The following ATP1B3 variants were observed in gnomAD, a reference collection of about 807,000 sequenced individuals.
The protein encoded by ATP1B3 is sodium/potassium-transporting ATPase subunit beta-3.
ATP1B3 carries 10 observed loss-of-function variants against 30.2 expected under a neutral mutation model. The observed-to-expected ratio is 0.33, with a 90% CI of 0.20 to 0.56. ATP1B3 has a LOEUF of 0.56. Ranked by LOEUF, ATP1B3 falls within the 20% of genes least tolerant of loss-of-function variation. ATP1B3 has a pLI of 0.90. For missense variants in ATP1B3, 238 were observed against 336.7 expected, an observed-to-expected ratio of 0.71 and a Z score of 2.29; for synonymous variants, 113 against 117.0, an observed-to-expected ratio of 0.97 and a Z score of 0.22.
chr3:141,906,218 C>T (rs1348600487), intron 2 of ATP1B3, among the ~76,000 whole-genome samples: 15 of 150,334 alleles, frequency 1.0e-4, no homozygotes, highest in African/African-American at 3.4e-4. Context: ...CTCGCTCTGT[C>T]GCCCAGGCTG....
chr3:141,896,575 A>G (rs952136240), intron 1 of ATP1B3, among the ~76,000 whole-genome samples: 1 of 152,114 alleles, frequency 6.6e-6, no homozygotes, highest in Admixed American at 6.5e-5. Context: ...CATATATTCT[A>G]GATAGGAGTG....
At chr3:141,907,353 C>T (rs1934282133) in intron 3 of ATP1B3, 79 bp downstream of exon 3, 2 of 919,062 alleles carry the variant, frequency 2.2e-6, no homozygotes, top group Non-Finnish European at 3.2e-6. Context: ...GGCACGGTAG[C>T]TCACGCCTGT....
At chr3:141,891,194 T>C (rs1460950412) in intron 1 of ATP1B3, among the ~76,000 whole-genome samples, 2 of 152,220 alleles carry the variant, frequency 1.3e-5, no homozygotes, top group Non-Finnish European at 2.9e-5. Flanking sequence ...TTGATCTGTA[T>C]CTTGATTCCT....
intron 3 of ATP1B3, among the ~76,000 whole-genome samples, chr3:141,912,954 T>C (rs2107776585): frequency 6.6e-6 from 1 of 152,372 alleles, no homozygotes; most frequent in South Asian, 2.1e-4. Flanking sequence ...TTTTCCCTTC[T>C]GGACTGACTC....
chr3:141,916,499 A>G lies in ATP1B3; in HGVS notation c.582+479A>G, dbSNP rs1274215861. 5.0e-6 allele frequency: 6 copies of G among 1,201,596 alleles called. No homozygotes were observed. In the African/African-American group the frequency reaches 7.8e-5, roughly 16 times the overall value. 74.4% of individuals were successfully genotyped at this position (1,201,596 alleles called of 1,614,324 possible). A position where few individuals can be genotyped will look rare whatever the true frequency, so the allele number is the denominator to read the frequency against. On this transcript the variant is annotated intron_variant, in intron 5 of 6. Coordinates refer to ENST00000286371, the MANE Select transcript of ATP1B3 (RefSeq NM_001679.4). ...TACTTTTTTTTCCAGAATACTGTGC[A>G]GTTTTCATCTCATAACTTTCTTTTG...
chr3:141,889,766 C>T (rs551076621), intron 1 of ATP1B3, among the ~76,000 whole-genome samples: 26,454 of 113,042 alleles, frequency 0.23, 4,996 homozygotes, highest in African/African-American at 0.4. Flanking sequence ...TACACACACA[C>T]ACACACACAC....
At position 141,890,086 on chromosome 3, in the gene ATP1B3, C is replaced by CT. The variant is rs1245235657; in HGVS notation, c.109+13198dup. On this transcript the variant is annotated intron_variant, in intron 1 of 6. Coordinates refer to ENST00000286371, the MANE Select transcript of ATP1B3 (RefSeq NM_001679.4). ...AAATGCCTGTAATCTAATTTTTTTT[C>CT]TTTTTTTTTTTTTTTTTTTTTTGAG... 1.0e-2 allele frequency among the ~76,000 whole-genome samples: 1,070 copies of CT among 107,376 alleles called. 29 individuals carry two copies. Among genetic ancestry groups the CT allele is most frequent in the African/African-American group, 0.02 (522 of 26,648 alleles). The allele number at this position is 107,376 out of a possible 152,430, so 70.4% of individuals were successfully genotyped here.
chr3:141,888,356 T>C (rs1361271051), intron 1 of ATP1B3, among the ~76,000 whole-genome samples: 1 of 152,218 alleles, frequency 6.6e-6, no homozygotes, highest in Non-Finnish European at 1.5e-5. Context: ...CATTTTTATA[T>C]ATGTATATAA....
chr3:141,893,156 G>A (rs137978052), intron 1 of ATP1B3, among the ~76,000 whole-genome samples: 5 of 151,938 alleles, frequency 3.3e-5, no homozygotes, highest in Non-Finnish European at 5.9e-5. Context: ...TTACAGGCAC[G>A]CACCACCACA....
chr3:141,899,445 T>C lies in ATP1B3; in HGVS notation c.110-4175T>C, dbSNP rs1374037792. 2.6e-5 allele frequency among the ~76,000 whole-genome samples: 4 copies of C among 152,302 alleles called. No homozygotes were observed. In the South Asian group the frequency reaches 6.2e-4, roughly 24 times the overall value. ...TAGCATCTAGGTCCCTGAAGATAGC[T>C]AGAAAGTGTGCAGAGGTTGAGAGTA... is the stretch of plus-strand genomic sequence containing the variant. On this transcript the variant is annotated intron_variant, in intron 1 of 6. Coordinates refer to ENST00000286371, the MANE Select transcript of ATP1B3 (RefSeq NM_001679.4).
At chr3:141,921,856 A>G (rs1934568668) in intron 5 of ATP1B3, 121 bp from the exon 6 acceptor site, 1 of 547,504 alleles carries the variant, frequency 1.8e-6, no homozygotes, top group African/African-American at 2.0e-5. Flanking sequence ...ATGATAATAT[A>G]GTTGGAGCAG....
At chr3:141,895,192 T>C (rs555213694) in intron 1 of ATP1B3, among the ~76,000 whole-genome samples, 93 of 150,364 alleles carry the variant, frequency 6.2e-4, no homozygotes, top group South Asian at 2.7e-3. Flanking sequence ...TCTTTTCTTT[T>C]TTTTTTTTTT....
chr3:141,925,885 T>C lies in ATP1B3; in HGVS notation c.*184T>C. 1.5e-6 allele frequency: 1 copy of C among 682,652 alleles called. No individual in the cohort carries two copies. Among genetic ancestry groups the C allele is most frequent in the Non-Finnish European group, 2.3e-6 (1 of 428,876 alleles). The allele number at this position is 682,652 out of a possible 1,614,324, so 42.3% of individuals were successfully genotyped here. On this transcript the variant is annotated 3_prime_UTR_variant, in exon 7 of 7. Transcript: ENST00000286371. ...AGTGTCCTCTGAAGTAACTGCCTGT[T>C]GCCTCTGCTGCCCTTTGAACCAGTG...
At chr3:141,904,703 CTTTTTT>C (rs35178202) in intron 2 of ATP1B3, among the ~76,000 whole-genome samples, 1 of 89,374 alleles carries the variant, frequency 1.1e-5, no homozygotes, top group African/African-American at 4.5e-5. Context: ...TTTAAACAGT[CTTTTTT>C]TTTTTTTTTT....
chr3:141,918,092 A>G (rs1279747549), intron 5 of ATP1B3, among the ~76,000 whole-genome samples: 1 of 151,984 alleles, frequency 6.6e-6, no homozygotes, highest in East Asian at 1.9e-4. Flanking sequence ...AAATTCTTCT[A>G]AAAATCTAGT....
intron 1 of ATP1B3, among the ~76,000 whole-genome samples, chr3:141,898,571 A>C (rs1439730535): frequency 6.6e-6 from 1 of 152,248 alleles, no homozygotes; most frequent in Non-Finnish European, 1.5e-5. Context: ...TGTATCCACT[A>C]GGATAGCTGT....
chr3:141,922,115 CA>C (rs1934573935), intron 6 of ATP1B3, 52 bp downstream of exon 6: 2 of 1,130,974 alleles, frequency 1.8e-6, no homozygotes, highest in Non-Finnish European at 2.6e-6. Flanking sequence ...GAAGCTGGAG[CA>C]TGTGTTGACG....
In ATP1B3 at chr3:141,902,690, C is replaced by T. The variant is rs1412618266; in HGVS notation, c.110-930C>T. On this transcript the variant is annotated intron_variant, in intron 1 of 6. Transcript: ENST00000286371. ...AGAGATTAAGCCCTTAATGTTGAAACGTGTGTCTCCCAAATCTTGCTTTGT... is the reference window on the plus strand; with the variant it reads ...AGAGATTAAGCCCTTAATGTTGAAATGTGTGTCTCCCAAATCTTGCTTTGT... Among the ~76,000 whole-genome samples, 3 of 152,156 alleles carry T rather than the reference C, an allele frequency of 2.0e-5. No homozygotes were observed. The South Asian group carries it at 6.2e-4, about 31-fold the overall frequency.
chr3:141,901,695 T>C (rs1415832881), intron 1 of ATP1B3, among the ~76,000 whole-genome samples: 1 of 121,550 alleles, frequency 8.2e-6, no homozygotes, highest in Non-Finnish European at 2.0e-5. Context: ...TGCTATATAT[T>C]TATTTGCTTT....
Sources: gnomAD v4.1 joint callset for allele counts (sites outside exome capture counted in the v4.1 genomes callset) on GRCh38, gnomAD v4.1.1 for gene constraint, MANE v1.5 for transcripts, NCBI Gene and HGNC (gene_info 2026-07-23, HGNC 2026-07-21) for gene names.